The following CNTN3 variants were observed in gnomAD, a reference collection of about 807,000 sequenced individuals.
CNTN3 encodes contactin-3.
A neutral mutation model predicts 119.1 loss-of-function variants in CNTN3; 60 were observed. That is an observed-to-expected ratio of 0.50 (90% CI 0.41 to 0.62). CNTN3 has a LOEUF of 0.62. Ranked by LOEUF, CNTN3 falls within the 20% of genes least tolerant of loss-of-function variation. The pLI, the probability that CNTN3 is intolerant of heterozygous loss-of-function variation, is 0.00. For missense variants in CNTN3, 1,101 were observed against 1,242.4 expected (o/e 0.89, Z 1.71); for synonymous variants, 450 against 438.7 (o/e 1.03, Z -0.32).
intron 4 of CNTN3, among the ~76,000 whole-genome samples, chr3:74,445,905 T>C (rs1005915379): frequency 6.6e-6 from 1 of 152,240 alleles, no homozygotes; most frequent in East Asian, 1.9e-4. Context: ...TCACAGGTTG[T>C]GCACTGCACA....
At chr3:74,528,430 C>T (rs1029429048) in intron 1 of CNTN3, among the ~76,000 whole-genome samples, 6 of 151,814 alleles carry the variant, frequency 4.0e-5, no homozygotes, top group African/African-American at 9.7e-5. Context: ...GGCACATTTA[C>T]CAACTGGAAA....
intron 1 of CNTN3, among the ~76,000 whole-genome samples, chr3:74,613,179 A>G (rs1433802598): frequency 2.0e-5 from 3 of 151,268 alleles, no homozygotes; most frequent in Admixed American, 1.3e-4. Context: ...CCTGTTTTTA[A>G]TCTATTTACA....
chr3:74,416,351 C>T (rs1024994997), intron 5 of CNTN3, among the ~76,000 whole-genome samples: 46 of 152,214 alleles, frequency 3.0e-4, no homozygotes, highest in African/African-American at 1.1e-3. Context: ...TCACAATGAT[C>T]CTATAAGGAT....
chr3:74,511,510 TA>T (rs1385928815), intron 2 of CNTN3, among the ~76,000 whole-genome samples: 3 of 151,904 alleles, frequency 2.0e-5, no homozygotes, highest in Non-Finnish European at 4.4e-5. Flanking sequence ...GTAAGATAAA[TA>T]AATAAATAAA....
intron 1 of CNTN3, among the ~76,000 whole-genome samples, chr3:74,612,069 T>C (rs1705091327): frequency 6.6e-6 from 1 of 152,198 alleles, no homozygotes; most frequent in Non-Finnish European, 1.5e-5. Context: ...AGCAATTATA[T>C]CTATATACTA....
At chr3:74,301,333 G>A (rs562591776) in intron 16 of CNTN3, 65 bp downstream of exon 16, 6 of 1,523,138 alleles carry the variant, frequency 3.9e-6, no homozygotes, top group South Asian at 1.2e-5. Flanking sequence ...CTGGAGTTCA[G>A]GGCCAAGGGA....
intron 1 of CNTN3, among the ~76,000 whole-genome samples, chr3:74,599,432 C>T (rs975162518): frequency 1.2e-4 from 18 of 152,020 alleles, no homozygotes; most frequent in Admixed American, 1.0e-3. Flanking sequence ...CACCAGGGAC[C>T]GGTTTCATGG....
At chr3:74,613,162 A>G (rs1705110374) in intron 1 of CNTN3, among the ~76,000 whole-genome samples, 1 of 151,898 alleles carries the variant, frequency 6.6e-6, no homozygotes, top group African/African-American at 2.4e-5. Flanking sequence ...CATTGTTCTG[A>G]TTAATTCCTG....
At chr3:74,607,001 G>A (rs1705003639) in intron 1 of CNTN3, among the ~76,000 whole-genome samples, 1 of 152,070 alleles carries the variant, frequency 6.6e-6, no homozygotes, top group African/African-American at 2.4e-5. Flanking sequence ...GGAGAAACTT[G>A]GGCCTGCATG....
At chr3:74,316,053 T>C (rs1462234290) in intron 13 of CNTN3, among the ~76,000 whole-genome samples, 1 of 152,122 alleles carries the variant, frequency 6.6e-6, no homozygotes, top group East Asian at 1.9e-4. Flanking sequence ...ATCAAGGGCA[T>C]AAACTTACAG....
chr3:74,362,851 T>TA, intron 10 of CNTN3, among the ~76,000 whole-genome samples: 1 of 152,334 alleles, frequency 6.6e-6, no homozygotes, highest in Non-Finnish European at 1.5e-5. Context: ...GTGGAAATCT[T>TA]AGAGTGAATC....
intron 13 of CNTN3, among the ~76,000 whole-genome samples, chr3:74,303,618 G>GCA (rs1286816549): frequency 1.3e-5 from 2 of 152,210 alleles, no homozygotes; most frequent in Non-Finnish European, 2.9e-5. Context: ...ACTTGAACTT[G>GCA]GGAGGTGGAG....
chr3:74,427,348 T>C (rs765023996), intron 4 of CNTN3, among the ~76,000 whole-genome samples: 1 of 152,138 alleles, frequency 6.6e-6, no homozygotes, highest in Non-Finnish European at 1.5e-5. Flanking sequence ...ACAGTAGTAG[T>C]AGCAGTCAGA....
At chr3:74,511,087 T>G (rs1036755537) in intron 2 of CNTN3, among the ~76,000 whole-genome samples, 10 of 152,152 alleles carry the variant, frequency 6.6e-5, no homozygotes, top group African/African-American at 2.4e-4. Flanking sequence ...CTTCTTAAAT[T>G]TGGATCAAAG....
intron 1 of CNTN3, among the ~76,000 whole-genome samples, chr3:74,538,884 G>A (rs1478237978): frequency 1.3e-5 from 2 of 151,888 alleles, no homozygotes; most frequent in Non-Finnish European, 2.9e-5. Flanking sequence ...TTTAGCCCAG[G>A]TGTACACAGC....
chr3:74,298,224 C>A, intron 17 of CNTN3, 33 bp from the exon 18 acceptor site: 1 of 1,392,242 alleles, frequency 7.2e-7, no homozygotes, highest in Non-Finnish European at 9.7e-7. Context: ...ATCACCCTTA[C>A]ACATAAGGGC....
At chr3:74,382,162 C>A (rs749262022) in intron 5 of CNTN3, among the ~76,000 whole-genome samples, 1 of 151,844 alleles carries the variant, frequency 6.6e-6, no homozygotes, top group East Asian at 1.9e-4. Flanking sequence ...GAGCTGAGAT[C>A]GCACCTTTGA....
At chr3:74,449,793 T>C (rs1265595837) in intron 4 of CNTN3, among the ~76,000 whole-genome samples, 1 of 152,130 alleles carries the variant, frequency 6.6e-6, no homozygotes, top group Non-Finnish European at 1.5e-5. Context: ...AATGAATAGC[T>C]GAATACTTTG....
chr3:74,597,472 G>T (rs1704832609), intron 1 of CNTN3, among the ~76,000 whole-genome samples: 1 of 151,882 alleles, frequency 6.6e-6, no homozygotes, highest in African/African-American at 2.4e-5. Context: ...TTACTAAAAA[G>T]AAAACAGCCC....
Sources: gnomAD v4.1 joint callset for allele counts (sites outside exome capture counted in the v4.1 genomes callset) on GRCh38, gnomAD v4.1.1 for gene constraint, MANE v1.5 for transcripts, NCBI Gene and HGNC (gene_info 2026-07-23, HGNC 2026-07-21) for gene names.